CLYBL: variants seen among roughly 807,000 people sequenced by gnomAD.
CLYBL encodes citramalyl-CoA lyase, mitochondrial.
Under a neutral mutation model 38.9 loss-of-function variants are expected in CLYBL, and 31 were observed. The ratio of observed to expected loss-of-function variants is 0.80; its 90% confidence interval spans 0.60 to 1.08. The LOEUF (loss-of-function observed/expected upper bound fraction) is 1.08, where lower values mean the gene tolerates loss of function less well. CLYBL is among the 50% of genes least tolerant of loss of function. The pLI, the probability that CLYBL is intolerant of heterozygous loss-of-function variation, is 0.00. For missense variants in CLYBL, 434 were observed against 411.6 expected, an observed-to-expected ratio of 1.05 and a Z score of -0.47; for synonymous variants, 171 against 158.6, an observed-to-expected ratio of 1.08 and a Z score of -0.59.
At chr13:99,669,009 T>TG (rs1490399291) in intron 1 of CLYBL, among the ~76,000 whole-genome samples, 22 of 150,564 alleles carry the variant, frequency 1.5e-4, no homozygotes, top group Non-Finnish European at 1.6e-4. Flanking sequence ...CCCTCAGCTT[T>TG]TTTTTTTTTT....
At position 99,891,332 on chromosome 13, in the gene CLYBL, C is replaced by G. The variant is rs1481500797; in HGVS notation, c.942C>G (p.Phe314Leu). Residue 314 changes from phenylalanine to leucine, a missense_variant, in exon 8 of 9, where the codon TTC (phenylalanine) becomes TTG (leucine). Transcript: ENST00000339105. Reference sequence around the variant, plus strand: ...CTGTTTTCCAGGGGGCCTTTACTTTCCAAGGGAGTATGATCGACATGCCAT... The same window carrying G: ...CTGTTTTCCAGGGGGCCTTTACTTTGCAAGGGAGTATGATCGACATGCCAT... ...HQQLGKGAFT[F>L]QGSMIDMPLL... The G allele has an allele frequency of 1.2e-6, 2 of 1,613,236 alleles. No individual in the cohort carries two copies. The highest frequency in any genetic ancestry group is 1.7e-6 in the Non-Finnish European group (2 of 1,179,264).
intron 7 of CLYBL, among the ~76,000 whole-genome samples, chr13:99,881,650 C>G (rs1252869278): frequency 6.7e-6 from 1 of 150,284 alleles, no homozygotes; most frequent in African/African-American, 2.5e-5. Flanking sequence ...TGGTCTCGAA[C>G]TCCTGGGCTT....
intron 1 of CLYBL, among the ~76,000 whole-genome samples, chr13:99,736,241 C>T (rs2048666510): frequency 1.3e-5 from 2 of 149,656 alleles, no homozygotes; most frequent in Admixed American, 6.6e-5. Flanking sequence ...GATGGGGTTT[C>T]ACCATGTTGG....
chr13:99,903,460 GC>G (rs1422194310), intron 8 of CLYBL, among the ~76,000 whole-genome samples: 1 of 152,034 alleles, frequency 6.6e-6, no homozygotes, highest in Non-Finnish European at 1.5e-5. Context: ...GTCATCCTTA[GC>G]AAATAGCAAA....
chr13:99,717,701 C>G (rs1243547997), intron 1 of CLYBL, among the ~76,000 whole-genome samples: 1 of 151,894 alleles, frequency 6.6e-6, no homozygotes, highest in Non-Finnish European at 1.5e-5. Flanking sequence ...CTCAAGTGAT[C>G]CTCCCACCTC....
chr13:99,744,251 C>T (rs762977503), intron 1 of CLYBL, among the ~76,000 whole-genome samples: 8 of 152,062 alleles, frequency 5.3e-5, no homozygotes, highest in African/African-American at 1.4e-4. Flanking sequence ...GGATTACAGG[C>T]GTGAGCCACC....
chr13:99,781,632 C>T (rs1444558614), intron 2 of CLYBL, among the ~76,000 whole-genome samples: 2 of 152,032 alleles, frequency 1.3e-5, no homozygotes, highest in South Asian at 2.1e-4. Flanking sequence ...CCTGCCACCA[C>T]GTCTGGCTAA....
intron 1 of CLYBL, among the ~76,000 whole-genome samples, chr13:99,636,412 C>T (rs1175629584): frequency 6.6e-6 from 1 of 152,142 alleles, no homozygotes; most frequent in Non-Finnish European, 1.5e-5. Flanking sequence ...AGAGGTGGGA[C>T]CTGGTGAGCC....
At chr13:99,673,984 G>A (rs2047605558) in intron 1 of CLYBL, among the ~76,000 whole-genome samples, 1 of 152,012 alleles carries the variant, frequency 6.6e-6, no homozygotes, top group African/African-American at 2.4e-5. Context: ...AAGGTTTTTG[G>A]TTTGTGTGAC....
At chr13:99,669,342 T>C (rs188883105) in intron 1 of CLYBL, among the ~76,000 whole-genome samples, 1 of 152,230 alleles carries the variant, frequency 6.6e-6, no homozygotes, top group Non-Finnish European at 1.5e-5. Flanking sequence ...ATTAGGGGCA[T>C]GGAGACACGT....
chr13:99,810,768 T>C, intron 2 of CLYBL, among the ~76,000 whole-genome samples: 1 of 151,938 alleles, frequency 6.6e-6, no homozygotes, highest in Admixed American at 6.6e-5. Context: ...ATGAGAAGAG[T>C]GGAGGGTGAT....
At chr13:99,752,449 C>T (rs1462953444) in intron 1 of CLYBL, among the ~76,000 whole-genome samples, 1 of 152,122 alleles carries the variant, frequency 6.6e-6, no homozygotes, top group African/African-American at 2.4e-5. Flanking sequence ...TGAGTGATAC[C>T]AGCTGGGGCT....
At chr13:99,832,814 AT>A (rs2050832392) in intron 2 of CLYBL, among the ~76,000 whole-genome samples, 1 of 150,934 alleles carries the variant, frequency 6.6e-6, no homozygotes, top group African/African-American at 2.4e-5. Context: ...TGAATTTGGG[AT>A]ATGTTATATC....
chr13:99,867,374 T>A lies in CLYBL; in HGVS notation c.802+967T>A, dbSNP rs80312676. On this transcript the variant is annotated intron_variant, in intron 6 of 8. Coordinates refer to ENST00000339105, the MANE Select transcript of CLYBL (RefSeq NM_206808.5). The stretch of plus-strand genomic sequence containing the variant: ...GGCTTAAACGTGAAAAATATCTTAA[T>A]GGATGATGATTTAGTCCAAAATAAA... 3.5e-4 allele frequency among the ~76,000 whole-genome samples: 54 copies of A among 152,322 alleles called. No homozygotes were observed. The East Asian group carries it at 0.01, about 28-fold the overall frequency.
At chr13:99,891,645 A>C in intron 8 of CLYBL, 1 of 462,574 alleles carries the variant, frequency 2.2e-6, no homozygotes, top group Non-Finnish European at 3.9e-6. Context: ...TTTTTAGTGT[A>C]TTACGAATAT....
chr13:99,782,863 C>T lies in CLYBL; in HGVS notation c.249+9853C>T, dbSNP rs143260061. 1.4e-4 allele frequency among the ~76,000 whole-genome samples: 21 copies of T among 152,236 alleles called. No individual in the cohort carries two copies. The East Asian group carries it at 2.7e-3, about 20-fold the overall frequency. Reference sequence around the variant, plus strand: ...CTTTCCTTCAGAGATGCTGAGTACACGTAGTTGGAAACTTCATTCTATCCT... The same window carrying T: ...CTTTCCTTCAGAGATGCTGAGTACATGTAGTTGGAAACTTCATTCTATCCT... On this transcript the variant is annotated intron_variant, in intron 2 of 8. Coordinates refer to ENST00000339105, the MANE Select transcript of CLYBL (RefSeq NM_206808.5).
At chr13:99,676,075 C>A (rs529338269) in intron 1 of CLYBL, among the ~76,000 whole-genome samples, 65 of 152,144 alleles carry the variant, frequency 4.3e-4, no homozygotes, top group African/African-American at 1.5e-3. Flanking sequence ...ATGCTGGTCT[C>A]GAACTCCTAC....
intron 1 of CLYBL, among the ~76,000 whole-genome samples, chr13:99,691,705 A>G (rs2047905456): frequency 6.6e-6 from 1 of 152,198 alleles, no homozygotes; most frequent in Non-Finnish European, 1.5e-5. Flanking sequence ...AACTTAGACT[A>G]TAAGCTCCTC....
chr13:99,864,012 C>A (rs2051676960), intron 4 of CLYBL, among the ~76,000 whole-genome samples: 1 of 152,212 alleles, frequency 6.6e-6, no homozygotes, highest in Admixed American at 6.5e-5. Context: ...GTTTACACAA[C>A]TAACCATACA....
Sources: allele counts gnomAD v4.1 joint callset (sites outside exome capture counted in the v4.1 genomes callset), GRCh38; gene constraint gnomAD v4.1.1; transcripts MANE v1.5; gene names NCBI Gene and HGNC (gene_info 2026-07-23, HGNC 2026-07-21).